DNAJB6: variants seen among roughly 807,000 people sequenced by gnomAD.
DNAJB6 encodes DnaJ heat shock protein family (Hsp40) member B6.
In DNAJB6, 16 loss-of-function variants were observed where a neutral mutation model predicts 42.7. The observed-to-expected ratio is 0.37, with a 90% CI of 0.25 to 0.57. The LOEUF (loss-of-function observed/expected upper bound fraction) is 0.57. Among genes scored for constraint, DNAJB6 ranks in the 20% least tolerant of loss-of-function variants. The probability of loss-of-function intolerance (pLI) is 0.74; values close to 1 mark genes in which losing one functional copy is unlikely to be tolerated. For synonymous variants in DNAJB6, 170 were observed against 163.5 expected (o/e 1.04, Z -0.30); for missense variants, 347 against 416.8 (o/e 0.83, Z 1.46).
At chr7:157,402,961 G>C (rs1445399578) in intron 8 of DNAJB6, among the ~76,000 whole-genome samples, 1 of 152,292 alleles carries the variant, frequency 6.6e-6, no homozygotes, top group African/African-American at 2.4e-5. Context: ...TTATTTTGCC[G>C]AGGTTGAGGA....
intron 1 of DNAJB6, 25 bp from the exon 2 acceptor site, chr7:157,358,522 A>G (rs763215754): frequency 2.0e-6 from 3 of 1,516,264 alleles, no homozygotes; most frequent in South Asian, 1.1e-5. Flanking sequence ...CAGCCTCATC[A>G]CTGACCACCT....
At chr7:157,407,842 A>G (rs1469686517) in intron 8 of DNAJB6, among the ~76,000 whole-genome samples, 2 of 152,196 alleles carry the variant, frequency 1.3e-5, no homozygotes, top group Non-Finnish European at 2.9e-5. Flanking sequence ...TTTGCTGAGA[A>G]GCCACGTCCT....
Position 157,382,226 on chromosome 7 carries a change from G to C in DNAJB6, c.347-20G>C, listed in dbSNP as rs373837766. 6.3e-7 allele frequency: 1 copy of C among 1,576,314 alleles called. No homozygotes were observed. Among genetic ancestry groups the C allele is most frequent in the African/African-American group, 1.4e-5 (1 of 72,412 alleles). On this transcript the variant is annotated intron_variant, in intron 5 of 9. Transcript: ENST00000262177. ...ACTTGAAAAAAAGACTTCATAGTGTGTGTTTATGTTTGATTTTAGAAGACC... is the reference window on the plus strand; with the variant it reads ...ACTTGAAAAAAAGACTTCATAGTGTCTGTTTATGTTTGATTTTAGAAGACC...
Position 157,409,781 on chromosome 7 carries a change from C to G in DNAJB6, c.692-14C>G. ...CGCTCACTCACGGCTCTCTCTCTCC[C>G]GCTGTGCCTGCAGGTGTGGCCGACG... On this transcript the variant is annotated splice_polypyrimidine_tract_variant and intron_variant, in intron 8 of 9. Coordinates refer to ENST00000262177, the MANE Select transcript of DNAJB6 (RefSeq NM_058246.4). The G allele has an allele frequency of 6.6e-7, 1 of 1,518,242 alleles. No homozygotes were observed. Among genetic ancestry groups the G allele is most frequent in the Non-Finnish European group, 8.8e-7 (1 of 1,135,404 alleles). The allele number at this position is 1,518,242 out of a possible 1,614,324, so 94.0% of individuals were successfully genotyped here.
intron 8 of DNAJB6, among the ~76,000 whole-genome samples, chr7:157,389,506 G>C (rs1185501915): frequency 6.6e-6 from 1 of 152,160 alleles, no homozygotes; most frequent in African/African-American, 2.4e-5. Context: ...ATAACCCACT[G>C]CTGTTTGTAT....
chr7:157,357,197 C>G (rs1030224662), intron 1 of DNAJB6, among the ~76,000 whole-genome samples: 2 of 146,978 alleles, frequency 1.4e-5, no homozygotes, highest in African/African-American at 2.5e-5. Flanking sequence ...GTCTTTGTGG[C>G]TTTGTGATAC....
chr7:157,370,240 GC>G (rs554315862), intron 5 of DNAJB6, among the ~76,000 whole-genome samples: 13 of 149,636 alleles, frequency 8.7e-5, no homozygotes, highest in African/African-American at 2.5e-4. Flanking sequence ...TATTAAACAG[GC>G]CCTTTCTTAA....
At chr7:157,398,569 C>T (rs370136837) in intron 8 of DNAJB6, among the ~76,000 whole-genome samples, 2 of 152,324 alleles carry the variant, frequency 1.3e-5, no homozygotes, top group South Asian at 2.1e-4. Flanking sequence ...GCGGCAGCTG[C>T]GGAACATTCC....
At chr7:157,344,915 G>A (rs1375182866) in intron 1 of DNAJB6, among the ~76,000 whole-genome samples, 1 of 152,044 alleles carries the variant, frequency 6.6e-6, no homozygotes, top group Non-Finnish European at 1.5e-5. Context: ...ACCCAGCTGT[G>A]ATTTCTTTTA....
rs1170637165 is a variant in DNAJB6 at position 157,384,789 on chromosome 7, C to G, written c.479-78C>G. The G allele has an allele frequency of 2.1e-6, 3 of 1,413,056 alleles. No homozygotes were observed. The Admixed American group carries it at 5.5e-5, about 26-fold the overall frequency. 87.5% of individuals were successfully genotyped at this position (1,413,056 alleles called of 1,614,324 possible). On this transcript the variant is annotated intron_variant, in intron 6 of 9. Coordinates refer to ENST00000262177, the MANE Select transcript of DNAJB6 (RefSeq NM_058246.4). ...TGCCTTAACATTAAATATTCTGCTA[C>G]TGAACTTTCAAACTCTTGTCTTTGC...
chr7:157,399,924 C>T (rs571437755), intron 8 of DNAJB6, among the ~76,000 whole-genome samples: 6 of 152,320 alleles, frequency 3.9e-5, no homozygotes, highest in African/African-American at 1.2e-4. Context: ...CTGCCTCAGC[C>T]TCCCAAAGTG....
At chr7:157,411,922 C>G (rs910012896) in intron 9 of DNAJB6, 3 of 152,246 alleles carry the variant, frequency 2.0e-5, no homozygotes, top group African/African-American at 7.2e-5. Flanking sequence ...TGGTTGACTG[C>G]TGAATCCCAA....
intron 1 of DNAJB6, among the ~76,000 whole-genome samples, chr7:157,346,415 G>A (rs955264567): frequency 6.6e-6 from 1 of 151,376 alleles, no homozygotes; most frequent in Admixed American, 6.6e-5. Flanking sequence ...TTGGTACCTA[G>A]TTTTATATCT....
chr7:157,390,798 G>T (rs1389556390), intron 8 of DNAJB6, among the ~76,000 whole-genome samples: 1 of 152,162 alleles, frequency 6.6e-6, no homozygotes, highest in African/African-American at 2.4e-5. Context: ...GGCTCCTGAG[G>T]CCTGGAGCAT....
At chr7:157,409,463 G>A (rs759466717) in intron 8 of DNAJB6, among the ~76,000 whole-genome samples, 2 of 152,240 alleles carry the variant, frequency 1.3e-5, no homozygotes, top group East Asian at 1.9e-4. Context: ...TTTTGACAGC[G>A]AACTTGTCAG....
At chr7:157,410,099 TCTGAC>T in intron 9 of DNAJB6, 98 bp downstream of exon 9, 2 of 1,443,036 alleles carry the variant, frequency 1.4e-6, no homozygotes, top group Non-Finnish European at 1.8e-6. Context: ...GCTGCTGTGT[TCTGAC>T]CTGAGCGGGC....
intron 1 of DNAJB6, among the ~76,000 whole-genome samples, chr7:157,339,601 TTGTGTGTGTGTGTGTGTGTG>T (rs59577692): frequency 3.7e-4 from 45 of 122,434 alleles, no homozygotes; most frequent in Non-Finnish European, 5.3e-4. Context: ...GCCCGGCCTT[TTGTGTGTGTGTGTGTGTGTG>T]TGTGTGTGTG....
intron 2 of DNAJB6, among the ~76,000 whole-genome samples, chr7:157,360,525 G>A (rs1300185495): frequency 6.6e-6 from 1 of 152,182 alleles, no homozygotes; most frequent in East Asian, 1.9e-4. Flanking sequence ...GAGTAGATTG[G>A]TTTTAGTTGT....
At chr7:157,359,690 A>G (rs910084370) in intron 2 of DNAJB6, among the ~76,000 whole-genome samples, 2 of 152,334 alleles carry the variant, frequency 1.3e-5, no homozygotes, top group Admixed American at 6.5e-5. Flanking sequence ...GTGGTGGCAC[A>G]TGCCTGTAGT....
Sources: allele counts gnomAD v4.1 joint callset (sites outside exome capture counted in the v4.1 genomes callset), GRCh38; gene constraint gnomAD v4.1.1; transcripts MANE v1.5; gene names NCBI Gene and HGNC (gene_info 2026-07-23, HGNC 2026-07-21).